HAPSTR1: variants seen among roughly 807,000 people sequenced by gnomAD.
The protein encoded by HAPSTR1 is HUWE1-associated protein modifying stress responses 1.
the HAPSTR1 span, among the ~76,000 whole-genome samples, chr16:9,093,551 TC>T: frequency 1.3e-5 from 2 of 152,244 alleles, no homozygotes; most frequent in East Asian, 3.8e-4. Flanking sequence ...AGCTTGCTAA[TC>T]GGAGTCATCT....
chr16:9,100,176 T>A, the HAPSTR1 span, among the ~76,000 whole-genome samples: 2 of 152,248 alleles, frequency 1.3e-5, no homozygotes, highest in Non-Finnish European at 2.9e-5. Context: ...GTTCTGACAT[T>A]GAGACTTGGT....
the HAPSTR1 span, among the ~76,000 whole-genome samples, chr16:9,099,574 C>T: frequency 1.3e-5 from 2 of 152,172 alleles, no homozygotes; most frequent in African/African-American, 4.8e-5. Flanking sequence ...GTGGAGTTTG[C>T]CTAACCTTCA....
the HAPSTR1 span, among the ~76,000 whole-genome samples, chr16:9,095,035 A>C: frequency 6.6e-6 from 1 of 152,200 alleles, no homozygotes; most frequent in Non-Finnish European, 1.5e-5. Flanking sequence ...CAGAAAACTT[A>C]AGGAGGAACA....
chr16:9,102,989 G>GTGGA, the HAPSTR1 span: 1 of 1,613,702 alleles, frequency 6.2e-7, no homozygotes, highest in Non-Finnish European at 8.5e-7. Flanking sequence ...AACAGAAAGC[G>GTGGA]TGGATACCCA....
the HAPSTR1 span, among the ~76,000 whole-genome samples, chr16:9,095,668 G>A: frequency 6.6e-6 from 1 of 151,912 alleles, no homozygotes; most frequent in Non-Finnish European, 1.5e-5. Flanking sequence ...GCAGAGGGTC[G>A]CTTTTAGTTG....
chr16:9,091,887 G>T, the HAPSTR1 span: 1 of 505,778 alleles, frequency 2.0e-6, no homozygotes, highest in Non-Finnish European at 3.1e-6. Flanking sequence ...GGGGCTCGCC[G>T]GCCGTCGGGG....
the HAPSTR1 span, among the ~76,000 whole-genome samples, chr16:9,098,158 C>T: frequency 1.3e-5 from 2 of 152,156 alleles, no homozygotes; most frequent in African/African-American, 4.8e-5. Context: ...TGGAGAGAAA[C>T]CGTATCTCTA....
chr16:9,105,419 A>G, the HAPSTR1 span: 2 of 152,234 alleles, frequency 1.3e-5, no homozygotes, highest in African/African-American at 4.8e-5. Context: ...AAGAATCTAC[A>G]GAAACATAAA....
At chr16:9,101,418 C>T in the HAPSTR1 span, among the ~76,000 whole-genome samples, 1 of 152,188 alleles carries the variant, frequency 6.6e-6, no homozygotes. Context: ...TTAGAATAAT[C>T]CACCTTCTCA....
the HAPSTR1 span, among the ~76,000 whole-genome samples, chr16:9,094,951 C>T: frequency 2.6e-5 from 4 of 152,324 alleles, no homozygotes; most frequent in African/African-American, 9.6e-5. Context: ...ATGGGTTCAG[C>T]AGTTGAACTC....
the HAPSTR1 span, chr16:9,116,957 G>C: frequency 6.2e-7 from 1 of 1,605,644 alleles, no homozygotes. Context: ...AAAGCCACTT[G>C]ATCCTCAACA....
chr16:9,091,879 G>T, the HAPSTR1 span: 7 of 476,504 alleles, frequency 1.5e-5, no homozygotes, highest in Admixed American at 4.5e-5. Context: ...CGCGGGGCGG[G>T]GCTCGCCGGC....
At chr16:9,103,027 G>C in the HAPSTR1 span, 4 of 1,614,128 alleles carry the variant, frequency 2.5e-6, no homozygotes, top group Non-Finnish European at 3.4e-6. Context: ...TTGGAATTCA[G>C]ATTGGCTATC....
At chr16:9,091,845 G>A in the HAPSTR1 span, 37 of 401,836 alleles carry the variant, frequency 9.2e-5, no homozygotes, top group African/African-American at 7.0e-4. Flanking sequence ...CCTGGGGCGG[G>A]GGTCGTCCCT....
At chr16:9,097,282 AC>A in the HAPSTR1 span, among the ~76,000 whole-genome samples, 2 of 140,618 alleles carry the variant, frequency 1.4e-5, no homozygotes, top group East Asian at 4.1e-4. Context: ...TCATTCTGTC[AC>A]CCAGGTGGGA....
chr16:9,114,777 C>T, the HAPSTR1 span, among the ~76,000 whole-genome samples: 4 of 152,180 alleles, frequency 2.6e-5, no homozygotes, highest in Non-Finnish European at 5.9e-5. Flanking sequence ...AGTGCCAGCT[C>T]TTGTTTACTA....
the HAPSTR1 span, chr16:9,092,122 G>A: frequency 1.9e-6 from 3 of 1,551,542 alleles, no homozygotes; most frequent in South Asian, 3.6e-5. Flanking sequence ...AGTGGGAGCG[G>A]CAGTGCCTGG....
chr16:9,117,938 C>G, the HAPSTR1 span: 1 of 152,694 alleles, frequency 6.5e-6, no homozygotes, highest in East Asian at 1.9e-4. Flanking sequence ...ATAGCAAAAC[C>G]CAACTCTCCC....
the HAPSTR1 span, among the ~76,000 whole-genome samples, chr16:9,101,902 C>T: frequency 1.3e-5 from 2 of 152,152 alleles, no homozygotes; most frequent in South Asian, 2.1e-4. Context: ...GCAGGCGGAT[C>T]ACAAGGTCAG....
Sources: allele counts gnomAD v4.1 joint callset (sites outside exome capture counted in the v4.1 genomes callset), GRCh38; gene constraint gnomAD v4.1.1; transcripts MANE v1.5; gene names NCBI Gene and HGNC (gene_info 2026-07-23, HGNC 2026-07-21).